Variants in FAM120B observed in about 807,000 individuals in gnomAD.
The protein encoded by FAM120B is family with sequence similarity 120 member B.
A neutral mutation model predicts 96.3 loss-of-function variants in FAM120B; 83 were observed. The ratio of observed to expected loss-of-function variants is 0.86; its 90% CI spans 0.72 to 1.03. The LOEUF is 1.03. Ranked by LOEUF, FAM120B falls within the 50% of genes least tolerant of loss-of-function variation. The pLI, the probability that FAM120B is intolerant of heterozygous loss-of-function variation, is 0.00. For synonymous variants in FAM120B, 407 were observed against 402.7 expected (o/e 1.01, Z -0.13); for missense variants, 1,027 against 1,121.2 (o/e 0.92, Z 1.20).
chr6:170,336,961 C>T lies in FAM120B; in HGVS notation c.2017+6411C>T, dbSNP rs540495708. 2.6e-5 allele frequency among the ~76,000 whole-genome samples: 4 copies of T among 152,282 alleles called. No individual in the cohort carries two copies. In the East Asian group the frequency reaches 7.7e-4, roughly 29 times the overall value. On this transcript the variant is annotated intron_variant, in intron 4 of 10. Transcript: ENST00000476287. ...GAGACAATGGGGTTTTCTAAATATA[C>T]AATCACGTCATCTGCAAACAGAGAC...
chr6:170,357,816 A>C (rs1319248052), intron 5 of FAM120B, among the ~76,000 whole-genome samples: 1 of 152,200 alleles, frequency 6.6e-6, no homozygotes, highest in African/African-American at 2.4e-5. Context: ...CTGGGCTGTG[A>C]GTTGTGTGCA....
Position 170,348,179 on chromosome 6 carries a change from G to A in FAM120B, c.2046G>A (p.Trp682Ter). 2 of 1,613,848 alleles carry A rather than the reference G, an allele frequency of 1.2e-6. No homozygotes were observed. The highest frequency in any genetic ancestry group is 1.7e-6 in the Non-Finnish European group (2 of 1,179,912). Reference sequence around the variant, plus strand: ...GAACGCCTAGTTTGAAAATATTATGGCTGAACCAAGAGCCAGAAATACAGG... The same window carrying A: ...GAACGCCTAGTTTGAAAATATTATGACTGAACCAAGAGCCAGAAATACAGG... ...PGGTPSLKIL[W>*]LNQEPEIQVR... Residue 682 changes from tryptophan to a stop codon, truncating the protein, a stop_gained, in exon 5 of 11, where the codon TGG (tryptophan) becomes TGA (stop). Coordinates refer to ENST00000476287, the MANE Select transcript of FAM120B (RefSeq NM_032448.3). LOFTEE classifies it high-confidence loss of function.
At chr6:170,328,704 T>C (rs915401065) in intron 3 of FAM120B, among the ~76,000 whole-genome samples, 4 of 152,210 alleles carry the variant, frequency 2.6e-5, no homozygotes, top group African/African-American at 9.7e-5. Flanking sequence ...TTAAATAAGA[T>C]TTTGTCTTTC....
chr6:170,322,818 A>G (rs1222165828), intron 2 of FAM120B, among the ~76,000 whole-genome samples: 3 of 152,120 alleles, frequency 2.0e-5, no homozygotes, highest in Non-Finnish European at 4.4e-5. Context: ...GGAGGTTATC[A>G]AGGAGACAGA....
At chr6:170,307,130 T>C (rs1562510006) in intron 1 of FAM120B, among the ~76,000 whole-genome samples, 1 of 152,234 alleles carries the variant, frequency 6.6e-6, no homozygotes, top group African/African-American at 2.4e-5. Context: ...TCGCCTTGCC[T>C]GCCCCATCTT....
intron 1 of FAM120B, among the ~76,000 whole-genome samples, chr6:170,311,617 C>A (rs1784599789): frequency 6.6e-6 from 1 of 152,208 alleles, no homozygotes; most frequent in Non-Finnish European, 1.5e-5. Context: ...TTGGCTTTCC[C>A]TGCTGAAAAT....
intron 6 of FAM120B, among the ~76,000 whole-genome samples, chr6:170,373,816 C>G (rs909650643): frequency 2.0e-5 from 3 of 152,222 alleles, no homozygotes; most frequent in African/African-American, 2.4e-5. Flanking sequence ...ATAGTATCTT[C>G]TGTCTCCCAG....
chr6:170,405,461 G>A lies in FAM120B; in HGVS notation c.*710G>A, dbSNP rs1778772372. The A allele has an allele frequency of 6.6e-6, 1 of 152,226 alleles. No individual in the cohort carries two copies. The highest frequency in any genetic ancestry group is 1.5e-5 in the Non-Finnish European group (1 of 68,038). 9.4% of individuals were successfully genotyped at this position (152,226 alleles called of 1,614,324 possible). A position where few individuals can be genotyped will look rare whatever the true frequency, so the allele number is the denominator to read the frequency against. On this transcript the variant is annotated 3_prime_UTR_variant, in exon 11 of 11. Coordinates refer to ENST00000476287, the MANE Select transcript of FAM120B (RefSeq NM_032448.3). ...GCTGATTCATGTCCTGGGCATGACA[G>A]AGCGGGAGGCACAAGGTTTCATCAC...
chr6:170,321,114 G>C (rs547790223), intron 2 of FAM120B, among the ~76,000 whole-genome samples: 1 of 152,304 alleles, frequency 6.6e-6, no homozygotes, highest in Non-Finnish European at 1.5e-5. Flanking sequence ...GTGGTGGGTC[G>C]AGAGTTGTTC....
intron 1 of FAM120B, among the ~76,000 whole-genome samples, chr6:170,313,834 C>G (rs6456198): frequency 0.12 from 18,643 of 152,196 alleles, 1,226 homozygotes; most frequent in East Asian, 0.2. Flanking sequence ...TGCTGGGGGT[C>G]TGTTAAGGTG....
chr6:170,295,280 C>T, upstream of FAM120B: 1 of 644,312 alleles, frequency 1.6e-6, no homozygotes, highest in Non-Finnish European at 2.8e-6. The surrounding 1 kb of genome is among the most constrained non-coding windows in gnomAD (Gnocchi z 7.8). Context: ...ATGTCCCCTG[C>T]CCAGCCACGC....
chr6:170,354,737 C>G (rs764511141), intron 5 of FAM120B, among the ~76,000 whole-genome samples: 2 of 150,586 alleles, frequency 1.3e-5, no homozygotes, highest in African/African-American at 4.9e-5. Context: ...TCCTGGCTAA[C>G]ACGGTGAAAC....
At position 170,318,080 on chromosome 6, in the gene FAM120B, C is replaced by T. The variant is rs930780290; in HGVS notation, c.690C>T (p.Gly230=). 1.2e-6 allele frequency: 2 copies of T among 1,614,060 alleles called. No homozygotes were observed. Among genetic ancestry groups the T allele is most frequent in the African/African-American group, 2.7e-5 (2 of 74,918 alleles). Residue 230 remains glycine, a synonymous_variant, in exon 2 of 11, where the codon GGC becomes GGT. Transcript: ENST00000476287. ...ADLPLLACLL[G]NDIIPEGMFE... Reference sequence around the variant, plus strand: ...TTCCTCTTCTGGCCTGCCTCCTTGGCAACGACATAATCCCAGAGGGCATGT... The same window carrying T: ...TTCCTCTTCTGGCCTGCCTCCTTGGTAACGACATAATCCCAGAGGGCATGT...
intron 6 of FAM120B, among the ~76,000 whole-genome samples, chr6:170,362,685 T>A (rs1168629582): frequency 7.4e-6 from 1 of 134,600 alleles, no homozygotes; most frequent in Non-Finnish European, 1.6e-5. Context: ...TTCTTTTTTC[T>A]TTTTTTTTTT....
Position 170,368,218 on chromosome 6 carries a change from G to C in FAM120B, c.2283+9900G>C, listed in dbSNP as rs575267058. On this transcript the variant is annotated intron_variant, in intron 6 of 10. Transcript: ENST00000476287. Reference sequence around the variant, plus strand: ...AGATTAGTGGAACGGTTTGCACCAGGTCAAGGTATAGTGCATGTCTGAGCT... The same window carrying C: ...AGATTAGTGGAACGGTTTGCACCAGCTCAAGGTATAGTGCATGTCTGAGCT... Among the ~76,000 whole-genome samples the C allele has an allele frequency of 1.3e-5, 2 of 152,276 alleles. 1 individual carries two copies. Among genetic ancestry groups the C allele is most frequent in the South Asian group, 4.1e-4 (2 of 4,826 alleles).
rs1208535905 is a variant in FAM120B at position 170,295,438 on chromosome 6, C to T, written c.33C>T (p.Gly11=). ...GACCTCGAGGCTCCACCAGCGCTGG[C>T]GCAGGCAGGAAGGAGGTGAGCGCCG... The change falls in exon 1 of 11, where the codon GGC becomes GGT. Residue 11 remains glycine (G), a synonymous_variant. Transcript: ENST00000537664. The surrounding 1 kb of genome is among the most constrained non-coding windows in gnomAD (Gnocchi z 7.8). 2 of 701,712 alleles carry T rather than the reference C, an allele frequency of 2.9e-6. No individual in the cohort carries two copies. The highest frequency in any genetic ancestry group is 5.2e-6 in the Non-Finnish European group (2 of 384,582). The allele number at this position is 701,712 out of a possible 1,614,324, so 43.5% of individuals were successfully genotyped here.
intron 6 of FAM120B, among the ~76,000 whole-genome samples, chr6:170,372,409 T>G (rs1789250330): frequency 1.5e-5 from 1 of 64,948 alleles, no homozygotes; most frequent in Non-Finnish European, 2.8e-5. Flanking sequence ...GATGGTAGTA[T>G]CTACAGGGGC....
At chr6:170,306,483 G>A (rs1370137889), upstream of FAM120B, 1 of 152,282 alleles carries the variant, frequency 6.6e-6, no homozygotes, top group African/African-American at 2.4e-5. Context: ...TATGAACAAA[G>A]AGGTTCAAGG....
intron 6 of FAM120B, among the ~76,000 whole-genome samples, chr6:170,361,233 T>TATATATATATATATATAC (rs1554286467): frequency 8.3e-6 from 1 of 120,158 alleles, no homozygotes. Flanking sequence ...TATATATATA[T>TATATATATATATATATAC]ATACACGTAT....
Sources: gnomAD v4.1 joint callset for allele counts (sites outside exome capture counted in the v4.1 genomes callset) on GRCh38, gnomAD v4.1.1 for gene constraint, Gnocchi (gnomAD v3.1) non-coding constraint, MANE v1.5 for transcripts, NCBI Gene and HGNC (gene_info 2026-07-23, HGNC 2026-07-21) for gene names.